DOCK5: variants seen among roughly 807,000 people sequenced by gnomAD.
DOCK5 encodes dedicator of cytokinesis 5.
A neutral mutation model predicts 251.8 loss-of-function variants in DOCK5; 142 were observed. The observed-to-expected ratio is 0.56, with a 90% CI of 0.49 to 0.65. The LOEUF (loss-of-function observed/expected upper bound fraction) is 0.65, where lower values mean the gene tolerates loss of function less well. DOCK5 is among the 30% of genes least tolerant of loss of function. The pLI, the probability that DOCK5 is intolerant of heterozygous loss-of-function variation, is 0.00. For missense variants in DOCK5, 2,111 were observed against 2,312.3 expected (o/e 0.91, Z 1.79); for synonymous variants, 842 against 835.5 (o/e 1.01, Z -0.13).
Position 25,323,936 on chromosome 8 carries a change from T to C in DOCK5, c.1704T>C (p.Asp568=). 1 of 1,612,002 alleles carries C rather than the reference T, an allele frequency of 6.2e-7. No individual in the cohort carries two copies. The highest frequency in any genetic ancestry group is 8.5e-7 in the Non-Finnish European group (1 of 1,179,072). ...DGTTLQDGRH[D]LVVYKGDNKK... is the part of the protein sequence containing the mutation. ...CCACTCTGCAGGATGGGAGGCACGA[T>C]CTGGTGGTTTATAAGGTGGTGCTAA... The change falls in exon 17 of 52, where the codon GAT becomes GAC. Residue 568 remains aspartate, a synonymous_variant. Coordinates refer to ENST00000276440, the MANE Select transcript of DOCK5 (RefSeq NM_024940.8).
chr8:25,405,328 A>G (rs1801504826), intron 48 of DOCK5, among the ~76,000 whole-genome samples: 1 of 151,482 alleles, frequency 6.6e-6, no homozygotes, highest in African/African-American at 2.4e-5. Flanking sequence ...GTAATCCTTT[A>G]GAATTTATTC....
At chr8:25,374,061 G>A (rs974206178) in intron 36 of DOCK5, among the ~76,000 whole-genome samples, 1 of 152,150 alleles carries the variant, frequency 6.6e-6, no homozygotes, top group Non-Finnish European at 1.5e-5. Flanking sequence ...CTTCCCAGAG[G>A]GGTCCAAGAC....
chr8:25,214,245 C>A (rs1802172925), intron 1 of DOCK5, among the ~76,000 whole-genome samples: 1 of 152,128 alleles, frequency 6.6e-6, no homozygotes, highest in South Asian at 2.1e-4. Flanking sequence ...ACTGACCCCT[C>A]TGCTTTTAGA....
In DOCK5 at chr8:25,412,906, A is replaced by G. The variant is rs1456729216; in HGVS notation, c.*1608A>G. The G allele has an allele frequency of 6.6e-6, 1 of 152,212 alleles. No homozygotes were observed. Among genetic ancestry groups the G allele is most frequent in the Non-Finnish European group, 1.5e-5 (1 of 68,050 alleles). 9.4% of individuals were successfully genotyped at this position (152,212 alleles called of 1,614,324 possible). On this transcript the variant is annotated 3_prime_UTR_variant, in exon 52 of 52. Transcript: ENST00000276440. The stretch of plus-strand genomic sequence containing the variant: ...AGATGTGTCCAGGGCGTTACTTAAG[A>G]AATGAGTATGCAGATTCTGGAAGGG...
rs148922298 is a variant in DOCK5 at position 25,299,845 on chromosome 8, ATTTGTTTC to A, written c.765-727_765-720del. On this transcript the variant is annotated intron_variant, in intron 8 of 51. Transcript: ENST00000276440. ...AGATAGTTAAAAGTAATTGCTGACA[ATTTGTTTC>A]TTTAAAAAAAATTTTTTAATGTCAA... 6.6e-3 allele frequency among the ~76,000 whole-genome samples: 1,009 copies of A among 152,312 alleles called. 8 individuals are homozygous for A. The highest frequency in any genetic ancestry group is 0.023 in the African/African-American group (974 of 41,558).
chr8:25,333,193 C>A (rs1472646084), intron 20 of DOCK5, among the ~76,000 whole-genome samples: 2 of 152,152 alleles, frequency 1.3e-5, no homozygotes, highest in African/African-American at 4.8e-5. Flanking sequence ...ATATCAGAAT[C>A]TGGGAAAGCC....
intron 1 of DOCK5, among the ~76,000 whole-genome samples, chr8:25,187,449 G>A (rs905993170): frequency 6.6e-6 from 1 of 151,084 alleles, no homozygotes; most frequent in Non-Finnish European, 1.5e-5. Flanking sequence ...AACTGCTCCA[G>A]GATATAATTC....
chr8:25,276,589 C>T (rs1342494375), intron 4 of DOCK5, among the ~76,000 whole-genome samples: 1 of 152,144 alleles, frequency 6.6e-6, no homozygotes. Context: ...AGCTGGGTCA[C>T]AGAACCATGC....
At chr8:25,256,266 ATCT>A (rs1006521156) in intron 2 of DOCK5, among the ~76,000 whole-genome samples, 38 of 152,320 alleles carry the variant, frequency 2.5e-4, no homozygotes, top group African/African-American at 8.9e-4. Context: ...AATTTGGTTA[ATCT>A]TCTAAATGGC....
chr8:25,306,188 T>C (rs969678325), intron 11 of DOCK5, among the ~76,000 whole-genome samples: 1 of 151,968 alleles, frequency 6.6e-6, no homozygotes, highest in African/African-American at 2.4e-5. Context: ...AATAAAATAG[T>C]TAAAAAATAA....
chr8:25,329,121 G>A (rs1044308582), intron 18 of DOCK5, among the ~76,000 whole-genome samples: 3 of 152,140 alleles, frequency 2.0e-5, no homozygotes, highest in Admixed American at 6.5e-5. Flanking sequence ...TTAAAAGTAT[G>A]TGTTCTTAAA....
chr8:25,216,015 G>A (rs1802233598), intron 1 of DOCK5, among the ~76,000 whole-genome samples: 1 of 148,414 alleles, frequency 6.7e-6, no homozygotes, highest in Non-Finnish European at 1.5e-5. Context: ...ATGTATATAT[G>A]TATACAACAT....
intron 3 of DOCK5, among the ~76,000 whole-genome samples, chr8:25,274,003 G>T (rs1388249954): frequency 6.6e-6 from 1 of 152,176 alleles, no homozygotes; most frequent in African/African-American, 2.4e-5. Context: ...GGGGCTTTGT[G>T]TCTGGTGGGG....
intron 1 of DOCK5, among the ~76,000 whole-genome samples, chr8:25,189,305 G>A (rs1221443840): frequency 6.6e-6 from 1 of 152,046 alleles, no homozygotes; most frequent in Admixed American, 6.6e-5. Context: ...TGCTCCTTCA[G>A]CCTTAAGCCT....
chr8:25,249,627 G>C (rs118068167), intron 2 of DOCK5, among the ~76,000 whole-genome samples: 5,039 of 152,112 alleles, frequency 0.033, 98 homozygotes, highest in South Asian at 0.067. Context: ...TGCTCTGTTG[G>C]TCAGGCTGGA....
intron 26 of DOCK5, among the ~76,000 whole-genome samples, chr8:25,347,113 C>T (rs1317000485): frequency 2.0e-5 from 3 of 152,326 alleles, no homozygotes; most frequent in East Asian, 3.9e-4. Context: ...TTCTGTCCTA[C>T]CAAAGGATAT....
At chr8:25,250,114 C>T (rs1803228241) in intron 2 of DOCK5, among the ~76,000 whole-genome samples, 1 of 152,124 alleles carries the variant, frequency 6.6e-6, no homozygotes, top group Admixed American at 6.5e-5. Flanking sequence ...CATAGGGTAA[C>T]TCAATGTTTA....
At chr8:25,355,454 AT>A (rs1402045695) in intron 27 of DOCK5, among the ~76,000 whole-genome samples, 1 of 152,108 alleles carries the variant, frequency 6.6e-6, no homozygotes, top group Non-Finnish European at 1.5e-5. Flanking sequence ...TAACCTGTTT[AT>A]TTATTTTGTT....
At chr8:25,274,697 G>T (rs557691242) in intron 3 of DOCK5, among the ~76,000 whole-genome samples, 22 of 152,274 alleles carry the variant, frequency 1.4e-4, no homozygotes, top group African/African-American at 5.3e-4. Flanking sequence ...GATTTTGAGT[G>T]CATTTGGTTT....
Sources: gnomAD v4.1 joint callset for allele counts (sites outside exome capture counted in the v4.1 genomes callset) on GRCh38, gnomAD v4.1.1 for gene constraint, MANE v1.5 for transcripts, NCBI Gene and HGNC (gene_info 2026-07-23, HGNC 2026-07-21) for gene names.